Variants in CYP39A1 observed in about 807,000 individuals in gnomAD.
CYP39A1 encodes the protein cytochrome P450 family 39 subfamily A member 1, also known as 24-hydroxycholesterol 7-alpha-hydroxylase.
Under a neutral mutation model 58.1 loss-of-function variants are expected in CYP39A1, and 49 were observed. That is an observed-to-expected ratio of 0.84 (90% CI 0.67 to 1.07). The LOEUF is 1.07. Among genes scored for constraint, CYP39A1 ranks in the 50% least tolerant of loss-of-function variants. The pLI, the probability that CYP39A1 is intolerant of heterozygous loss-of-function variation, is 0.00. For missense variants in CYP39A1, 531 were observed against 539.4 expected (o/e 0.98, Z 0.16); for synonymous variants, 209 against 187.6 (o/e 1.11, Z -0.93).
At chr6:46,599,998 A>C (rs1773389739) in intron 7 of CYP39A1, among the ~76,000 whole-genome samples, 2 of 152,144 alleles carry the variant, frequency 1.3e-5, no homozygotes, top group African/African-American at 4.8e-5. Flanking sequence ...TGATATAATA[A>C]ATATATATTT....
rs1429273427 is a variant in CYP39A1 at position 46,553,763 on chromosome 6, T to G, written c.1338+4A>C. ...ATGATACTCAAAATTCTGAAAACAC[T>G]TACCTGTTTGGGTAATGGGTCCAGA... On this transcript the variant is annotated splice_donor_region_variant and intron_variant, in intron 11 of 11. Coordinates refer to ENST00000275016, the MANE Select transcript of CYP39A1 (RefSeq NM_016593.5). The G allele has an allele frequency of 6.3e-7, 1 of 1,592,584 alleles. No individual in the cohort carries two copies. The highest frequency in any genetic ancestry group is 1.1e-5 in the South Asian group (1 of 90,180).
At chr6:46,611,894 A>G (rs1017688300) in intron 7 of CYP39A1, among the ~76,000 whole-genome samples, 3 of 152,196 alleles carry the variant, frequency 2.0e-5, no homozygotes, top group Admixed American at 1.3e-4. Context: ...TTTTTACCTT[A>G]GTATTTCCTA....
chr6:46,559,675 T>C (rs1049393845), intron 10 of CYP39A1, among the ~76,000 whole-genome samples: 2 of 152,126 alleles, frequency 1.3e-5, no homozygotes, highest in Non-Finnish European at 2.9e-5. Context: ...TGGTAGCACG[T>C]GGAGGAGCTG....
At chr6:46,594,341 A>G (rs1021707730) in intron 8 of CYP39A1, among the ~76,000 whole-genome samples, 1 of 152,086 alleles carries the variant, frequency 6.6e-6, no homozygotes, top group African/African-American at 2.4e-5. Context: ...TAGAAAAAAC[A>G]TATGAAACTA....
chr6:46,638,006 C>A, intron 3 of CYP39A1, 28 bp from the exon 4 acceptor site: 1 of 1,579,080 alleles, frequency 6.3e-7, no homozygotes, highest in South Asian at 1.2e-5. Flanking sequence ...CACAAAAAGT[C>A]AGACCCGAAG....
intron 10 of CYP39A1, among the ~76,000 whole-genome samples, chr6:46,557,643 T>TAAAA (rs71721488): frequency 1.5e-5 from 2 of 137,820 alleles, no homozygotes; most frequent in Admixed American, 7.2e-5. Context: ...ACTCTGTCTT[T>TAAAA]AAAAAAAAAA....
At chr6:46,608,353 T>A (rs991076520) in intron 7 of CYP39A1, among the ~76,000 whole-genome samples, 7 of 152,100 alleles carry the variant, frequency 4.6e-5, no homozygotes, top group African/African-American at 1.7e-4. Flanking sequence ...TTCTACAAAG[T>A]CAGTTTTTAG....
At chr6:46,625,386 G>C in intron 7 of CYP39A1, 32 bp downstream of exon 7, 1 of 1,448,952 alleles carries the variant, frequency 6.9e-7, no homozygotes. Flanking sequence ...TGCATTATTA[G>C]CTGTGTCTTC....
At chr6:46,616,594 TTGTC>T (rs1449458128) in intron 7 of CYP39A1, among the ~76,000 whole-genome samples, 2 of 152,126 alleles carry the variant, frequency 1.3e-5, no homozygotes, top group Non-Finnish European at 2.9e-5. Context: ...TTATTGTTAA[TTGTC>T]TGTATCCTCT....
chr6:46,596,776 C>A (rs540367515), intron 7 of CYP39A1, among the ~76,000 whole-genome samples: 4 of 152,192 alleles, frequency 2.6e-5, no homozygotes, highest in African/African-American at 9.6e-5. Context: ...AACCATCAAC[C>A]TTTGTACCAT....
chr6:46,601,107 G>T (rs963939478), intron 7 of CYP39A1, among the ~76,000 whole-genome samples: 2 of 152,182 alleles, frequency 1.3e-5, no homozygotes, highest in Non-Finnish European at 2.9e-5. Context: ...GTTTGGTGTG[G>T]AAAACCCACA....
At chr6:46,552,588 A>G (rs941576375) in intron 11 of CYP39A1, among the ~76,000 whole-genome samples, 6 of 152,216 alleles carry the variant, frequency 3.9e-5, no homozygotes, top group African/African-American at 1.2e-4. Context: ...ACAAAACGCT[A>G]TGTGAATAGC....
intron 7 of CYP39A1, among the ~76,000 whole-genome samples, chr6:46,624,243 T>G (rs1775159956): frequency 6.6e-6 from 1 of 152,162 alleles, no homozygotes; most frequent in Admixed American, 6.5e-5. Context: ...GAAAAGACTC[T>G]AGTAAGGAAA....
chr6:46,563,889 A>G (rs1475792926), intron 10 of CYP39A1, among the ~76,000 whole-genome samples: 1 of 152,052 alleles, frequency 6.6e-6, no homozygotes, highest in Non-Finnish European at 1.5e-5. Flanking sequence ...GAGGGCCCGG[A>G]GTTCTAGGCT....
At chr6:46,582,680 TA>T (rs1382364073) in intron 10 of CYP39A1, among the ~76,000 whole-genome samples, 1 of 152,070 alleles carries the variant, frequency 6.6e-6, no homozygotes, top group African/African-American at 2.4e-5. Context: ...CTTAAGCTGT[TA>T]AGTAGGGCTT....
intron 5 of CYP39A1, among the ~76,000 whole-genome samples, chr6:46,632,050 T>A (rs954712234): frequency 2.0e-5 from 3 of 152,224 alleles, no homozygotes; most frequent in Non-Finnish European, 4.4e-5. Flanking sequence ...ATTGCAAGTA[T>A]TTAACCCATT....
intron 7 of CYP39A1, 135 bp downstream of exon 7, chr6:46,625,283 C>G: frequency 1.7e-6 from 1 of 591,102 alleles, no homozygotes; most frequent in Non-Finnish European, 2.8e-6. Context: ...CAATTTATAT[C>G]CTGATATATA....
At chr6:46,624,732 T>A (rs2150571606) in intron 7 of CYP39A1, among the ~76,000 whole-genome samples, 1 of 152,212 alleles carries the variant, frequency 6.6e-6, no homozygotes, top group South Asian at 2.1e-4. Context: ...TATTAAGAAG[T>A]TTAAAAAAGT....
chr6:46,581,372 T>C (rs1452284121), intron 10 of CYP39A1, among the ~76,000 whole-genome samples: 3 of 145,968 alleles, frequency 2.1e-5, no homozygotes, highest in Non-Finnish European at 3.0e-5. Flanking sequence ...ATCACGCCAG[T>C]GCACTTTAGC....
Sources: allele counts gnomAD v4.1 joint callset (sites outside exome capture counted in the v4.1 genomes callset), GRCh38; gene constraint gnomAD v4.1.1; transcripts MANE v1.5; gene names NCBI Gene and HGNC (gene_info 2026-07-23, HGNC 2026-07-21).